The following GCNT4 variants were observed in gnomAD, a reference collection of about 807,000 sequenced individuals.
The protein encoded by GCNT4 is beta-1,3-galactosyl-O-glycosyl-glycoprotein beta-1,6-N-acetylglucosaminyltransferase 4.
In GCNT4, 17 loss-of-function variants were observed where a neutral mutation model predicts 31.3. The ratio of observed to expected loss-of-function variants is 0.54; its 90% CI spans 0.37 to 0.81. The LOEUF is 0.81. Ranked by LOEUF, GCNT4 falls within the 40% of genes least tolerant of loss-of-function variation. The pLI is 0.00. For synonymous variants in GCNT4, 158 were observed against 190.6 expected (o/e 0.83, Z 1.41); for missense variants, 503 against 525.5 (o/e 0.96, Z 0.42).
At chr5:75,045,293 C>A (rs1302223643) in intron 3 of GCNT4, among the ~76,000 whole-genome samples, 1 of 152,188 alleles carries the variant, frequency 6.6e-6, no homozygotes, top group Non-Finnish European at 1.5e-5. Context: ...CCCACAATAT[C>A]CTGCTTCTGG....
intron 3 of GCNT4, chr5:75,047,631 G>C (rs1237234380): frequency 6.6e-6 from 1 of 152,000 alleles, no homozygotes; most frequent in Non-Finnish European, 1.5e-5. Flanking sequence ...TCTGCCTTTT[G>C]CCTTTAAAAA....
At position 75,029,476 on chromosome 5, in the gene GCNT4, T is replaced by A. The variant is rs1206130701; in HGVS notation, c.562A>T (p.Ile188Phe). 1 of 1,614,080 alleles carries A rather than the reference T, an allele frequency of 6.2e-7. No individual in the cohort carries two copies. The highest frequency in any genetic ancestry group is 1.7e-5 in the Admixed American group (1 of 60,018). ...TCCACAGCCTCTAATTTGGAAGCAA[T>A]GAAAATATTGGAGAAGCACTTAGCT... is the stretch of plus-strand genomic sequence containing the variant. Reference protein sequence around the residue: ...NLAKCFSNIFIASKLEAVEYA... With the variant: ...NLAKCFSNIFFASKLEAVEYA... The change falls in exon 4 of 4, where the codon ATT (isoleucine) becomes TTT (phenylalanine). Residue 188 changes from isoleucine to phenylalanine, a missense_variant. By Grantham distance (21) the Ile-to-Phe change is conservative (BLOSUM62 0). Transcript: ENST00000652361.
chr5:75,030,952 G>A (rs1743047925), intron 3 of GCNT4: 1 of 166,768 alleles, frequency 6.0e-6, no homozygotes, highest in Non-Finnish European at 1.5e-5. Context: ...CACTCTGCAT[G>A]TACATGCCAA....
chr5:75,034,381 G>C (rs1743152693), intron 3 of GCNT4, among the ~76,000 whole-genome samples: 1 of 152,238 alleles, frequency 6.6e-6, no homozygotes, highest in Non-Finnish European at 1.5e-5. Flanking sequence ...GGGCCTGGAG[G>C]AATGGGAACC....
Position 75,029,382 on chromosome 5 carries a change from T to C in GCNT4, c.656A>G (p.Gln219Arg), listed in dbSNP as rs768192925. Residue 219 changes from glutamine to arginine, a missense_variant, in exon 4 of 4, where the codon CAG becomes CGG. Coordinates refer to ENST00000652361, the MANE Select transcript of GCNT4 (RefSeq NM_001366737.1). ...CLSDLLKSSI[Q>R]WKYVINLCGQ... ...ACACAAGTTGATAACATATTTCCAC[T>C]GGATTGAAGACTTCAGAAGGTCCGA... The C allele has an allele frequency of 2.5e-6, 4 of 1,614,062 alleles. No homozygotes were observed. Among genetic ancestry groups the C allele is most frequent in the African/African-American group, 1.3e-5 (1 of 74,934 alleles).
rs1241909938 is a variant in GCNT4 at position 75,029,027 on chromosome 5, G to C, written c.1011C>G (p.His337Gln). ...WSKDTYSPDE[H>Q]FWATLIRVPG... The stretch of plus-strand genomic sequence containing the variant: ...GAACCCGAATCAAGGTAGCCCAAAA[G>C]TGCTCATCAGGAGAGTATGTGTCTT... Residue 337 changes from histidine to glutamine, a missense_variant, in exon 4 of 4, where the codon CAC (histidine) becomes CAG (glutamine). By Grantham distance (24) the His-to-Gln change is conservative (BLOSUM62 0). Transcript: ENST00000652361. 3 of 1,614,134 alleles carry C rather than the reference G, an allele frequency of 1.9e-6. No individual in the cohort carries two copies. The Admixed American group carries it at 5.0e-5, about 27-fold the overall frequency.
At chr5:75,038,370 A>G (rs1228472491) in intron 3 of GCNT4, among the ~76,000 whole-genome samples, 1 of 152,182 alleles carries the variant, frequency 6.6e-6, no homozygotes, top group African/African-American at 2.4e-5. Flanking sequence ...GGTTGAGCCC[A>G]TATTTCTTCT....
At chr5:75,042,412 T>G (rs1743341281) in intron 3 of GCNT4, among the ~76,000 whole-genome samples, 1 of 152,224 alleles carries the variant, frequency 6.6e-6, no homozygotes, top group South Asian at 2.1e-4. Context: ...AAGCATTTAT[T>G]TTGGTATTAT....
chr5:75,024,265 C>A (rs921124409), downstream of GCNT4, among the ~76,000 whole-genome samples: 2 of 152,060 alleles, frequency 1.3e-5, no homozygotes, highest in African/African-American at 4.8e-5. Context: ...CCACTGGCAC[C>A]AAAAAATAGT....
At chr5:75,018,515 C>T in the GCNT4 span, among the ~76,000 whole-genome samples, 8 of 152,242 alleles carry the variant, frequency 5.3e-5, no homozygotes, top group East Asian at 1.9e-4. Flanking sequence ...CTCCTGACCT[C>T]GTGACCTGCC....
intron 3 of GCNT4, among the ~76,000 whole-genome samples, chr5:75,040,111 C>T (rs1743286347): frequency 6.6e-6 from 1 of 152,018 alleles, no homozygotes; most frequent in African/African-American, 2.4e-5. Context: ...GTCTAGACTA[C>T]TTTTCCTGGA....
intron 3 of GCNT4, among the ~76,000 whole-genome samples, chr5:75,042,386 C>T (rs1454267508): frequency 6.6e-6 from 1 of 151,956 alleles, no homozygotes; most frequent in African/African-American, 2.4e-5. Context: ...TTTTTTTCCC[C>T]CTCAGAAATT....
intron 3 of GCNT4, among the ~76,000 whole-genome samples, chr5:75,032,586 C>A (rs948299736): frequency 2.0e-5 from 3 of 152,216 alleles, no homozygotes; most frequent in Non-Finnish European, 4.4e-5. Flanking sequence ...CAAGTCCAGA[C>A]AGCATCTTTG....
intron 2 of GCNT4, among the ~76,000 whole-genome samples, chr5:75,049,480 G>A (rs911131783): frequency 6.6e-6 from 1 of 152,116 alleles, no homozygotes; most frequent in African/African-American, 2.4e-5. Context: ...GGATGGAAAC[G>A]GCTGCATTCA....
At chr5:75,034,780 C>T (rs1339484352) in intron 3 of GCNT4, among the ~76,000 whole-genome samples, 4 of 152,244 alleles carry the variant, frequency 2.6e-5, no homozygotes, top group Non-Finnish European at 4.4e-5. Flanking sequence ...TAAAAACCTA[C>T]TCCTCACTAA....
upstream of GCNT4, among the ~76,000 whole-genome samples, chr5:75,053,115 G>T (rs981559068): frequency 1.3e-5 from 2 of 151,898 alleles, no homozygotes; most frequent in Admixed American, 6.6e-5. Context: ...CCCGCCGCCC[G>T]CTGCCCTTTC....
In GCNT4 at chr5:75,039,130, G is replaced by A. The variant is rs1051673180; in HGVS notation, c.-2+8767C>T. 4.0e-5 allele frequency among the ~76,000 whole-genome samples: 6 copies of A among 151,886 alleles called. No individual in the cohort carries two copies. The East Asian group carries it at 5.8e-4, about 15-fold the overall frequency. ...GACAGGGTCTCACTCTGTCACCCAC[G>A]CTGGAGTGCAATGGCACAATCTCGG... On this transcript the variant is annotated intron_variant, in intron 3 of 3. Transcript: ENST00000652361.
chr5:75,034,469 C>T (rs1229258537), intron 3 of GCNT4, among the ~76,000 whole-genome samples: 1 of 152,198 alleles, frequency 6.6e-6, no homozygotes, highest in Non-Finnish European at 1.5e-5. Flanking sequence ...AGAGACCAGG[C>T]TAGCAATGTC....
chr5:75,029,144 T>C lies in GCNT4; in HGVS notation c.894A>G (p.Ile298Met). The part of the protein sequence containing the change: ...SKEAPPHNIQ[I>M]FVGSAYFVLS... Reference sequence around the variant, plus strand: ...AAACAAAATAAGCACTGCCAACAAATATCTGAATGTTATGGGGGGGTGCTT... The same window carrying C: ...AAACAAAATAAGCACTGCCAACAAACATCTGAATGTTATGGGGGGGTGCTT... The change falls in exon 4 of 4, where the codon ATA becomes ATG. Residue 298 changes from isoleucine to methionine, a missense_variant. Coordinates refer to ENST00000652361, the MANE Select transcript of GCNT4 (RefSeq NM_001366737.1). 1 of 1,613,968 alleles carries C rather than the reference T, an allele frequency of 6.2e-7. No homozygotes were observed. The highest frequency in any genetic ancestry group is 1.3e-5 in the African/African-American group (1 of 75,040).
Sources: allele counts gnomAD v4.1 joint callset (sites outside exome capture counted in the v4.1 genomes callset), GRCh38; gene constraint gnomAD v4.1.1; transcripts MANE v1.5; gene names NCBI Gene and HGNC (gene_info 2026-07-23, HGNC 2026-07-21).